The following CPEB1 variants were observed in gnomAD, a reference collection of about 807,000 sequenced individuals.
The protein encoded by CPEB1 is cytoplasmic polyadenylation element-binding protein 1.
In CPEB1, 7 loss-of-function variants were observed where a neutral mutation model predicts 65.8. That is an observed-to-expected ratio of 0.11 (90% CI 0.06 to 0.20). The LOEUF is 0.20. Ranked by LOEUF, CPEB1 falls within the 10% of genes least tolerant of loss-of-function variation. The pLI, the probability that CPEB1 is intolerant of heterozygous loss-of-function variation, is 1.00. For missense variants in CPEB1, 551 were observed against 712.2 expected (o/e 0.77, Z 2.58); for synonymous variants, 262 against 260.0 (o/e 1.01, Z -0.08).
chr15:82,624,088 T>A (rs188588265), intron 3 of CPEB1, among the ~76,000 whole-genome samples: 97 of 152,198 alleles, frequency 6.4e-4, no homozygotes, highest in Non-Finnish European at 1.4e-3. Context: ...AAAATATATA[T>A]CCTAGTTTAC....
At chr15:82,614,712 G>A (rs1288355243) in intron 3 of CPEB1, among the ~76,000 whole-genome samples, 1 of 151,838 alleles carries the variant, frequency 6.6e-6, no homozygotes, top group Non-Finnish European at 1.5e-5. Flanking sequence ...AGAAATCCAA[G>A]GATTTCAAAA....
chr15:82,562,307 G>T (rs1290315224), intron 4 of CPEB1: 1 of 432,288 alleles, frequency 2.3e-6, no homozygotes, highest in Non-Finnish European at 4.5e-6. Context: ...GAGTATTTGG[G>T]TCTTAAATCT....
At chr15:82,627,421 C>A in intron 2 of CPEB1, 54 bp from the exon 3 acceptor site, 1 of 1,356,516 alleles carries the variant, frequency 7.4e-7, no homozygotes, top group Non-Finnish European at 1.0e-6. Flanking sequence ...TTATGACCCC[C>A]TTTCTCTCCA....
At chr15:82,585,410 A>T (rs142667458) in intron 3 of CPEB1, among the ~76,000 whole-genome samples, 36 of 152,334 alleles carry the variant, frequency 2.4e-4, no homozygotes, top group Admixed American at 5.9e-4. Context: ...ATGCAGAATA[A>T]GACTTTCAAA....
At chr15:82,621,748 C>T (rs911373482) in intron 3 of CPEB1, among the ~76,000 whole-genome samples, 1 of 152,162 alleles carries the variant, frequency 6.6e-6, no homozygotes, top group East Asian at 1.9e-4. Flanking sequence ...AAAGTTGGAG[C>T]TCTTCGCCTA....
chr15:82,567,300 C>A (rs8023333), intron 4 of CPEB1, among the ~76,000 whole-genome samples: 27,644 of 152,038 alleles, frequency 0.18, 2,633 homozygotes, highest in East Asian at 0.32. Flanking sequence ...GCAAGTGACA[C>A]AGCACAGGGA....
chr15:82,608,232 T>C (rs2043809829), intron 3 of CPEB1, among the ~76,000 whole-genome samples: 1 of 152,232 alleles, frequency 6.6e-6, no homozygotes, highest in African/African-American at 2.4e-5. Context: ...TGTTGCCTAA[T>C]GCCTCAGGCA....
chr15:82,648,234 C>T (rs1302315179), upstream of CPEB1: 1 of 240,550 alleles, frequency 4.2e-6, no homozygotes, highest in Admixed American at 5.6e-5. Flanking sequence ...GTGACCCTTG[C>T]CGAGTCACTG....
At chr15:82,604,395 T>C (rs1040092765) in intron 3 of CPEB1, among the ~76,000 whole-genome samples, 3 of 149,850 alleles carry the variant, frequency 2.0e-5, no homozygotes, top group Non-Finnish European at 4.4e-5. Context: ...TGCAGGAGAA[T>C]GGTGAGAACC....
At chr15:82,560,042 C>T (rs551614362) in intron 4 of CPEB1, among the ~76,000 whole-genome samples, 2 of 152,290 alleles carry the variant, frequency 1.3e-5, no homozygotes, top group East Asian at 3.9e-4. Context: ...CGAGATTGCG[C>T]CACTACACTC....
intron 3 of CPEB1, among the ~76,000 whole-genome samples, chr15:82,604,872 AAACATTAATCT>A (rs2043423265): frequency 6.6e-6 from 1 of 152,202 alleles, no homozygotes; most frequent in Non-Finnish European, 1.5e-5. Flanking sequence ...CGTTGATGAA[AAACATTAATCT>A]ACATATTCAA....
intron 3 of CPEB1, among the ~76,000 whole-genome samples, chr15:82,613,505 A>G (rs2044383310): frequency 6.6e-6 from 1 of 151,914 alleles, no homozygotes; most frequent in Non-Finnish European, 1.5e-5. Flanking sequence ...CTCCCACCTC[A>G]GCCCCAAGTA....
At chr15:82,625,030 A>C (rs1318377534) in intron 3 of CPEB1, among the ~76,000 whole-genome samples, 1 of 152,084 alleles carries the variant, frequency 6.6e-6, no homozygotes, top group South Asian at 2.1e-4. Flanking sequence ...ACGGGGTTTC[A>C]CCATGTTGCC....
In CPEB1 at chr15:82,624,395, A is replaced by G. The variant is rs985308934; in HGVS notation, c.271+2798T>C. ...CATAAGAAACCTGTGAGGCAGGTTGAGCAGGTACCATTCTGTCCTGCAGCT... is the reference window on the plus strand; with the variant it reads ...CATAAGAAACCTGTGAGGCAGGTTGGGCAGGTACCATTCTGTCCTGCAGCT... On this transcript the variant is annotated intron_variant, in intron 3 of 12. Transcript: ENST00000684509. Among the ~76,000 whole-genome samples, 15 of 152,192 alleles carry G rather than the reference A, an allele frequency of 9.9e-5. 1 individual carries two copies. The highest frequency in any genetic ancestry group is 7.9e-4 in the Admixed American group (12 of 15,268).
At chr15:82,564,455 T>TTG (rs57077636) in intron 4 of CPEB1, among the ~76,000 whole-genome samples, 11,180 of 151,488 alleles carry the variant, frequency 0.074, 650 homozygotes, top group African/African-American at 0.15. Context: ...CCGGCTAATT[T>TTG]TGTGTGTGTG....
intron 3 of CPEB1, among the ~76,000 whole-genome samples, chr15:82,580,356 A>G (rs1482826225): frequency 2.0e-5 from 3 of 151,868 alleles, no homozygotes; most frequent in Non-Finnish European, 4.4e-5. Context: ...AAAAAGAAAT[A>G]ATGAAAAGTT....
intron 1 of CPEB1, among the ~76,000 whole-genome samples, chr15:82,632,051 G>C (rs538223616): frequency 7.3e-6 from 1 of 137,500 alleles, no homozygotes; most frequent in African/African-American, 2.8e-5. Context: ...GTGTGATCTC[G>C]GCTCACTGCA....
At chr15:82,627,794 A>T (rs11855735) in intron 2 of CPEB1, among the ~76,000 whole-genome samples, 68,206 of 152,012 alleles carry the variant, frequency 0.45, 15,408 homozygotes, top group African/African-American at 0.51. Context: ...ACTCTTTTTC[A>T]GAATTGGTTC....
At position 82,579,033 on chromosome 15, in the gene CPEB1, G is replaced by A. The variant is rs1410264466; in HGVS notation, c.272-7501C>T. ...AGACAGGGTTTCACCATGTTGGCCA[G>A]GCTGGTCTTGAACTCCTGACCTCAT... On this transcript the variant is annotated intron_variant, in intron 3 of 12. Coordinates refer to ENST00000684509, the MANE Select transcript of CPEB1 (RefSeq NM_001365242.1). 2.0e-5 allele frequency among the ~76,000 whole-genome samples: 3 copies of A among 152,084 alleles called. 1 individual carries two copies. Among genetic ancestry groups the A allele is most frequent in the South Asian group, 4.1e-4 (2 of 4,822 alleles).
Sources: gnomAD v4.1 joint callset for allele counts (sites outside exome capture counted in the v4.1 genomes callset) on GRCh38, gnomAD v4.1.1 for gene constraint, MANE v1.5 for transcripts, NCBI Gene and HGNC (gene_info 2026-07-23, HGNC 2026-07-21) for gene names.